ABHD2: variants seen among roughly 807,000 people sequenced by gnomAD.
ABHD2 encodes the protein monoacylglycerol lipase ABHD2.
ABHD2 carries 20 observed loss-of-function variants against 48.1 expected under a neutral mutation model. That is an observed-to-expected ratio of 0.42 (90% confidence interval 0.29 to 0.60). The LOEUF (loss-of-function observed/expected upper bound fraction) is 0.60. ABHD2 is among the 20% of genes least tolerant of loss of function. The pLI, the probability that ABHD2 is intolerant of heterozygous loss-of-function variation, is 0.24. For missense variants in ABHD2, 405 were observed against 550.9 expected, an observed-to-expected ratio of 0.74 and a Z score of 2.65; for synonymous variants, 209 against 214.2, an observed-to-expected ratio of 0.98 and a Z score of 0.21.
chr15:89,108,220 A>G (rs1340762095), intron 1 of ABHD2, among the ~76,000 whole-genome samples: 1 of 152,208 alleles, frequency 6.6e-6, no homozygotes, highest in Non-Finnish European at 1.5e-5. Flanking sequence ...GTTTGAAAAC[A>G]GGTTTTACAA....
chr15:89,047,731 T>C, the ABHD2 span, among the ~76,000 whole-genome samples: 3 of 150,544 alleles, frequency 2.0e-5, no homozygotes, highest in Admixed American at 1.3e-4. Context: ...CCTGCCTTTT[T>C]TTGTTTTCCA....
At chr15:89,064,018 C>T in the ABHD2 span, among the ~76,000 whole-genome samples, 1 of 151,936 alleles carries the variant, frequency 6.6e-6, no homozygotes, top group African/African-American at 2.4e-5. Flanking sequence ...CATTACCCCT[C>T]CCCCAAGCCC....
chr15:89,126,423 G>T (rs533502890), intron 3 of ABHD2, among the ~76,000 whole-genome samples: 1 of 152,120 alleles, frequency 6.6e-6, no homozygotes, highest in Non-Finnish European at 1.5e-5. Context: ...TCCACTATCC[G>T]GGAGCAGGAA....
Position 89,195,676 on chromosome 15 carries a change from T to C in ABHD2, c.*253T>C, listed in dbSNP as rs900373583. 1.9e-5 allele frequency: 8 copies of C among 420,756 alleles called. No homozygotes were observed. The highest frequency in any genetic ancestry group is 3.4e-5 in the Non-Finnish European group (8 of 236,134). 26.1% of individuals were successfully genotyped at this position (420,756 alleles called of 1,614,324 possible). A position where few individuals can be genotyped will look rare whatever the true frequency, so the allele number is the denominator to read the frequency against. Reference sequence around the variant, plus strand: ...GACAAGTGACAGAGTTCTTGCCCTCTGTCCAGTTTCAGCATCTGGTTGCTT... The same window carrying C: ...GACAAGTGACAGAGTTCTTGCCCTCCGTCCAGTTTCAGCATCTGGTTGCTT... On this transcript the variant is annotated 3_prime_UTR_variant, in exon 11 of 11. Transcript: ENST00000352732. The surrounding 1 kb of genome is among the most constrained non-coding windows in gnomAD (Gnocchi z 5.1).
At chr15:89,042,266 A>G in the ABHD2 span, among the ~76,000 whole-genome samples, 2 of 152,088 alleles carry the variant, frequency 1.3e-5, no homozygotes, top group Non-Finnish European at 2.9e-5. Context: ...GCTTAGGACC[A>G]CTCAGTGACA....
chr15:89,090,837 A>G (rs1901566389), intron 1 of ABHD2, among the ~76,000 whole-genome samples: 1 of 152,086 alleles, frequency 6.6e-6, no homozygotes. Flanking sequence ...TTAGATTAAG[A>G]TTTTATGAGC....
intron 3 of ABHD2, among the ~76,000 whole-genome samples, chr15:89,122,701 G>A (rs527270511): frequency 5.9e-5 from 9 of 152,194 alleles, no homozygotes; most frequent in Non-Finnish European, 7.3e-5. Flanking sequence ...ACCAGGTCCC[G>A]GTTGGGAAGT....
intron 3 of ABHD2, among the ~76,000 whole-genome samples, chr15:89,150,380 G>A (rs2050571420): frequency 6.6e-6 from 1 of 152,082 alleles, no homozygotes; most frequent in Non-Finnish European, 1.5e-5. Flanking sequence ...TTATAAGCTT[G>A]CTTTTTGTTA....
At position 89,195,360 on chromosome 15, in the gene ABHD2, C is replaced by A. The variant is rs780101594; in HGVS notation, c.1215C>A (p.Cys405Ter). The A allele has an allele frequency of 6.2e-7, 1 of 1,614,184 alleles. No homozygotes were observed. The highest frequency in any genetic ancestry group is 1.1e-5 in the South Asian group (1 of 91,086). Residue 405 changes from cysteine to a stop codon, truncating the protein, a stop_gained, in exon 11 of 11, where the codon TGC becomes TGA. Coordinates refer to ENST00000352732, the MANE Select transcript of ABHD2 (RefSeq NM_152924.5). LOFTEE classifies it high-confidence loss of function. The surrounding 1 kb of genome is among the most constrained non-coding windows in gnomAD (Gnocchi z 5.1). ...KLVVEYANAI[C>*]QWERNKLQCS... ...TGGTGGAGTACGCCAACGCCATTTG[C>A]CAATGGGAGCGTAACAAGTTGCAGT...
Position 89,146,742 on chromosome 15 carries a change from T to C in ABHD2, c.195-4935T>C, listed in dbSNP as rs761796229. The stretch of plus-strand genomic sequence containing the variant: ...GACATGCAAATTAGCGTAGTAAAAA[T>C]GGAATATTCTGTAAAACATGAAGAA... On this transcript the variant is annotated intron_variant, in intron 3 of 10. Transcript: ENST00000352732. The surrounding 1 kb of genome is among the most constrained non-coding windows in gnomAD (Gnocchi z 4.2). Among the ~76,000 whole-genome samples, 7 of 151,956 alleles carry C rather than the reference T, an allele frequency of 4.6e-5. No homozygotes were observed. Among genetic ancestry groups the C allele is most frequent in the Non-Finnish European group, 1.0e-4 (7 of 67,996 alleles).
In ABHD2 at chr15:89,120,017, G is replaced by A. The variant is rs376850313; in HGVS notation, c.194+3496G>A. On this transcript the variant is annotated intron_variant, in intron 3 of 10. Coordinates refer to ENST00000352732, the MANE Select transcript of ABHD2 (RefSeq NM_152924.5). This position sits in a 1 kb window ranked among gnomAD's most constrained non-coding sequence, Gnocchi z 4.2. ...AATATTAGTCAGTAATCCTGACCGC[G>A]GGTAGCTGGTTATGATGACATGCGC... Among the ~76,000 whole-genome samples, 39 of 152,280 alleles carry A rather than the reference G, an allele frequency of 2.6e-4. No homozygotes were observed. Among genetic ancestry groups the A allele is most frequent in the African/African-American group, 8.2e-4 (34 of 41,552 alleles).
rs569763336 is a variant in ABHD2 at position 89,114,349 on chromosome 15, G to A, written c.-7+525G>A. On this transcript the variant is annotated intron_variant, in intron 2 of 10. Transcript: ENST00000352732. This position sits in a 1 kb window ranked among gnomAD's most constrained non-coding sequence, Gnocchi z 4.2. ...CATGATTTCAGGGGGTTCTTAGACC[G>A]CAGGATCCCACAGGGAACCCACAGA... 2.0e-3 allele frequency among the ~76,000 whole-genome samples: 307 copies of A among 152,270 alleles called. 4 individuals carry two copies. The highest frequency in any genetic ancestry group is 6.7e-3 in the African/African-American group (279 of 41,536).
Position 89,116,319 on chromosome 15 carries a change from C to T in ABHD2, c.-6-3C>T. The T allele has an allele frequency of 6.2e-7, 1 of 1,611,666 alleles. No homozygotes were observed. The highest frequency in any genetic ancestry group is 8.5e-7 in the Non-Finnish European group (1 of 1,178,446). Reference sequence around the variant, plus strand: ...AACTTAGACCTGTGCCTCTGCTCCCCAGATCAAGATGAATGCCATGCTGGA... The same window carrying T: ...AACTTAGACCTGTGCCTCTGCTCCCTAGATCAAGATGAATGCCATGCTGGA... On this transcript the variant is annotated splice_region_variant and splice_polypyrimidine_tract_variant and intron_variant, in intron 2 of 10. Coordinates refer to ENST00000352732, the MANE Select transcript of ABHD2 (RefSeq NM_152924.5). The surrounding 1 kb of genome is among the most constrained non-coding windows in gnomAD (Gnocchi z 4.6).
intron 3 of ABHD2, among the ~76,000 whole-genome samples, chr15:89,129,518 A>G (rs1448342961): frequency 6.6e-6 from 1 of 152,188 alleles, no homozygotes; most frequent in African/African-American, 2.4e-5. Context: ...CAGAGAAGGA[A>G]GGAGAAAAAA....
chr15:89,113,396 A>G (rs1203044926), intron 1 of ABHD2, among the ~76,000 whole-genome samples: 5 of 152,236 alleles, frequency 3.3e-5, no homozygotes, highest in Non-Finnish European at 7.3e-5. Context: ...TCACACAGAG[A>G]TGTTACCTGT....
At position 89,114,475 on chromosome 15, in the gene ABHD2, GTTTTGTTTTTTGT is replaced by G. The variant is rs2049924592; in HGVS notation, c.-7+663_-7+675del. On this transcript the variant is annotated intron_variant, in intron 2 of 10. Coordinates refer to ENST00000352732, the MANE Select transcript of ABHD2 (RefSeq NM_152924.5). This position sits in a 1 kb window ranked among gnomAD's most constrained non-coding sequence, Gnocchi z 4.2. ...TGTCACCAGAAGTTAAGTTTTTTTT[GTTTTGTTTTTTGT>G]TTTTGTTTTTTTGAGACGGCGTTTC... Among the ~76,000 whole-genome samples the G allele has an allele frequency of 6.6e-6, 1 of 151,860 alleles. No individual in the cohort carries two copies. The highest frequency in any genetic ancestry group is 1.5e-5 in the Non-Finnish European group (1 of 67,914).
At chr15:89,115,235 T>A (rs1276815569) in intron 2 of ABHD2, among the ~76,000 whole-genome samples, 2 of 152,204 alleles carry the variant, frequency 1.3e-5, no homozygotes, top group African/African-American at 4.8e-5. Flanking sequence ...CTCTTTTTTG[T>A]TAGCTTGTGA....
upstream of ABHD2, among the ~76,000 whole-genome samples, chr15:89,083,990 C>T (rs1410917814): frequency 6.6e-6 from 1 of 152,098 alleles, no homozygotes; most frequent in East Asian, 1.9e-4. This position sits in a 1 kb window ranked among gnomAD's most constrained non-coding sequence, Gnocchi z 5.1. Context: ...ATATTGGATC[C>T]CTCAGACTGC....
chr15:89,126,138 T>C (rs1313800310), intron 3 of ABHD2, among the ~76,000 whole-genome samples: 1 of 152,194 alleles, frequency 6.6e-6, no homozygotes, highest in East Asian at 1.9e-4. Flanking sequence ...AAAAGGAGTA[T>C]ATGTCTTCCA....
Sources: allele counts gnomAD v4.1 joint callset (sites outside exome capture counted in the v4.1 genomes callset), GRCh38; gene constraint gnomAD v4.1.1; non-coding constraint Gnocchi (gnomAD v3.1); transcripts MANE v1.5; gene names NCBI Gene and HGNC (gene_info 2026-07-23, HGNC 2026-07-21).